DHX35: variants seen among roughly 807,000 people sequenced by gnomAD.
DHX35 encodes DEAH-box helicase 35.
In DHX35, 84 loss-of-function variants were observed where a neutral mutation model predicts 99.6. The ratio of observed to expected loss-of-function variants is 0.84; its 90% CI spans 0.71 to 1.01. The LOEUF is 1.01. Among genes scored for constraint, DHX35 ranks in the 50% least tolerant of loss-of-function variants. The pLI is 0.00. For synonymous variants in DHX35, 331 were observed against 316.2 expected (o/e 1.05, Z -0.50); for missense variants, 852 against 888.5 (o/e 0.96, Z 0.52).
At chr20:38,999,502 C>CT (rs1208519273) in intron 8 of DHX35, among the ~76,000 whole-genome samples, 1 of 152,212 alleles carries the variant, frequency 6.6e-6, no homozygotes, top group Non-Finnish European at 1.5e-5. Flanking sequence ...TTGTGACTCT[C>CT]TGATTCTCCA....
At chr20:39,021,628 C>A (rs933370837) in intron 15 of DHX35, among the ~76,000 whole-genome samples, 3 of 152,144 alleles carry the variant, frequency 2.0e-5, no homozygotes, top group Non-Finnish European at 2.9e-5. Context: ...ACCACAGGCA[C>A]ATACCACCAT....
chr20:39,031,823 C>T (rs140124626), intron 20 of DHX35, among the ~76,000 whole-genome samples: 120 of 152,198 alleles, frequency 7.9e-4, no homozygotes, highest in Non-Finnish European at 1.4e-3. Context: ...AGAAAGGACC[C>T]GGAGGGTATT....
chr20:39,017,688 C>T (rs967941495), intron 14 of DHX35, among the ~76,000 whole-genome samples: 35 of 152,140 alleles, frequency 2.3e-4, no homozygotes, highest in African/African-American at 8.0e-4. Flanking sequence ...TCTTGGGAAT[C>T]CAATACCTGG....
intron 21 of DHX35, 137 bp from the exon 22 acceptor site, chr20:39,038,362 C>G: frequency 2.0e-6 from 2 of 997,928 alleles, no homozygotes; most frequent in Non-Finnish European, 3.0e-6. Flanking sequence ...CAGGCTGTTT[C>G]ATGAACAGCT....
intron 8 of DHX35, among the ~76,000 whole-genome samples, chr20:38,998,272 C>T (rs1399422635): frequency 1.3e-5 from 2 of 152,176 alleles, no homozygotes; most frequent in Admixed American, 6.5e-5. Flanking sequence ...GTTTTTTTGT[C>T]ATAAGTCCAG....
chr20:39,002,004 G>T (rs1404228574), intron 9 of DHX35, among the ~76,000 whole-genome samples, 162 bp downstream of exon 9: 1 of 152,206 alleles, frequency 6.6e-6, no homozygotes, highest in Non-Finnish European at 1.5e-5. Flanking sequence ...CCGGATCACT[G>T]CTGAATTTAG....
chr20:39,021,483 A>G (rs1326215648), intron 15 of DHX35, among the ~76,000 whole-genome samples: 1 of 152,180 alleles, frequency 6.6e-6, no homozygotes, highest in Non-Finnish European at 1.5e-5. Flanking sequence ...TTTTTATTTT[A>G]TAAACTTCAT....
At chr20:38,968,077 G>A (rs1295869644) in intron 1 of DHX35, among the ~76,000 whole-genome samples, 1 of 152,230 alleles carries the variant, frequency 6.6e-6, no homozygotes, top group Non-Finnish European at 1.5e-5. Flanking sequence ...AGCTCCGTGA[G>A]GGTAGGGCTG....
chr20:38,994,891 T>C lies in DHX35; in HGVS notation c.642+11T>C, dbSNP rs2086402018. 6.2e-7 allele frequency: 1 copy of C among 1,613,116 alleles called. No homozygotes were observed. Among genetic ancestry groups the C allele is most frequent in the Non-Finnish European group, 8.5e-7 (1 of 1,179,148 alleles). On this transcript the variant is annotated intron_variant, in intron 8 of 21. Transcript: ENST00000252011. The stretch of plus-strand genomic sequence containing the variant: ...ACTCTGGATGCAGACGTAAGAGCCT[T>C]GCCTCCCCTTTCCTCCTCTCCTCAC...
chr20:38,982,366 T>C (rs952941554), intron 3 of DHX35, among the ~76,000 whole-genome samples: 3 of 152,364 alleles, frequency 2.0e-5, no homozygotes, highest in Admixed American at 1.3e-4. Flanking sequence ...AGTCAAGATA[T>C]ATTTTTCCAT....
At chr20:38,966,063 G>C (rs1335665943) in intron 1 of DHX35, among the ~76,000 whole-genome samples, 1 of 152,154 alleles carries the variant, frequency 6.6e-6, no homozygotes, top group Non-Finnish European at 1.5e-5. Context: ...AAAAGTGCTG[G>C]TATGACATAC....
At chr20:38,964,427 G>A (rs887713448) in intron 1 of DHX35, among the ~76,000 whole-genome samples, 1 of 151,542 alleles carries the variant, frequency 6.6e-6, no homozygotes, top group African/African-American at 2.4e-5. Context: ...CTGTTTTTTT[G>A]TTTTCTTTCT....
intron 2 of DHX35, among the ~76,000 whole-genome samples, chr20:38,970,338 T>A (rs2085975779): frequency 6.6e-6 from 1 of 152,232 alleles, no homozygotes; most frequent in South Asian, 2.1e-4. Flanking sequence ...TTAGCCAGAT[T>A]GCCTTACTTG....
chr20:39,021,764 G>C (rs2086875697), intron 15 of DHX35, 77 bp from the exon 16 acceptor site: 10 of 1,387,720 alleles, frequency 7.2e-6, no homozygotes, highest in Non-Finnish European at 1.0e-5. Flanking sequence ...GTGGTGCAAG[G>C]AAAGTATCAG....
intron 1 of DHX35, among the ~76,000 whole-genome samples, chr20:38,968,683 G>A (rs560704693): frequency 6.6e-6 from 1 of 152,264 alleles, no homozygotes; most frequent in South Asian, 2.1e-4. Flanking sequence ...GAGTAGCTGG[G>A]ACTACAGACA....
chr20:38,977,381 A>T (rs1172335955), intron 3 of DHX35, among the ~76,000 whole-genome samples: 1 of 152,206 alleles, frequency 6.6e-6, no homozygotes, highest in Admixed American at 6.5e-5. Flanking sequence ...ATGAAATAAT[A>T]CACTGTGCAT....
chr20:39,005,295 C>CA (rs1449892529), intron 11 of DHX35, among the ~76,000 whole-genome samples: 1 of 152,140 alleles, frequency 6.6e-6, no homozygotes, highest in African/African-American at 2.4e-5. Flanking sequence ...GCCCAGAGAC[C>CA]ACATATGATT....
In DHX35 at chr20:39,039,225, G is replaced by T. The variant is rs551676654; in HGVS notation, c.*682G>T. The stretch of plus-strand genomic sequence containing the variant: ...TTTGTGTTTCACAGGTAGGCTTAGC[G>T]TCCTCTCAGAGTGTAGTGCCAGGTC... On this transcript the variant is annotated 3_prime_UTR_variant, in exon 22 of 22. Coordinates refer to ENST00000252011, the MANE Select transcript of DHX35 (RefSeq NM_021931.4). 2.0e-5 allele frequency: 3 copies of T among 152,964 alleles called. No homozygotes were observed. In the South Asian group the frequency reaches 6.2e-4, roughly 32 times the overall value. The allele number at this position is 152,964 out of a possible 1,614,324, so 9.5% of individuals were successfully genotyped here.
chr20:38,973,315 T>C (rs1399561354), intron 3 of DHX35, among the ~76,000 whole-genome samples: 1 of 152,232 alleles, frequency 6.6e-6, no homozygotes, highest in Non-Finnish European at 1.5e-5. Context: ...GTTAATTTTC[T>C]TGAGGTATGA....
Sources: allele counts gnomAD v4.1 joint callset (sites outside exome capture counted in the v4.1 genomes callset), GRCh38; gene constraint gnomAD v4.1.1; transcripts MANE v1.5; gene names NCBI Gene and HGNC (gene_info 2026-07-23, HGNC 2026-07-21).